Variants in NAGA observed in about 807,000 individuals in gnomAD.
NAGA encodes Acetylgalactosaminidase, alpha-N- (alpha-galactosidase B).
A neutral mutation model predicts 45.6 loss-of-function variants in NAGA; 42 were observed. The observed-to-expected ratio is 0.92, with a 90% confidence interval of 0.72 to 1.19. The LOEUF is 1.19. Among genes scored for constraint, NAGA ranks in the 50% most tolerant of loss-of-function variants. The pLI, the probability that NAGA is intolerant of heterozygous loss-of-function variation, is 0.00. For synonymous variants in NAGA, 176 were observed against 203.1 expected (o/e 0.87, Z 1.13); for missense variants, 493 against 544.8 (o/e 0.90, Z 0.95).
At chr22:42,063,139 G>T in intron 6 of NAGA, 115 bp from the exon 7 acceptor site, 1 of 1,062,830 alleles carries the variant, frequency 9.4e-7, no homozygotes, top group Non-Finnish European at 1.4e-6. Context: ...AAAGATGGCT[G>T]TATGTGGAGG....
In NAGA at chr22:42,070,477, C is replaced by G; in HGVS notation, c.-180G>C. The G allele has an allele frequency of 1.4e-6, 1 of 702,876 alleles. No individual in the cohort carries two copies. Among genetic ancestry groups the G allele is most frequent in the Non-Finnish European group, 2.6e-6 (1 of 385,498 alleles). 43.5% of individuals were successfully genotyped at this position (702,876 alleles called of 1,614,324 possible). A position where few individuals can be genotyped will look rare whatever the true frequency, so the allele number is the denominator to read the frequency against. ...CACTCGGTCCCCAAGTTGCCCGCCC[C>G]ATCCCCAGCCATCACTTCCCGGAGC... On this transcript the variant is annotated 5_prime_UTR_variant, in exon 1 of 9. It removes an upstream start codon present in the reference 5' UTR. Transcript: ENST00000396398.
At chr22:42,063,914 C>T (rs185413787) in intron 6 of NAGA, among the ~76,000 whole-genome samples, 1 of 152,274 alleles carries the variant, frequency 6.6e-6, no homozygotes, top group African/African-American at 2.4e-5. Flanking sequence ...ATTACCCAGG[C>T]GTGGTGGTAA....
intron 7 of NAGA, among the ~76,000 whole-genome samples, chr22:42,062,483 C>T (rs1163642951): frequency 6.6e-6 from 1 of 152,186 alleles, no homozygotes; most frequent in Non-Finnish European, 1.5e-5. Flanking sequence ...AACAGACCAG[C>T]TCCTCCTGCT....
At chr22:42,062,339 G>A (rs910613265) in intron 7 of NAGA, among the ~76,000 whole-genome samples, 19 of 152,058 alleles carry the variant, frequency 1.2e-4, no homozygotes, top group Non-Finnish European at 2.5e-4. Context: ...GGTGGCAGGC[G>A]CCTGTAGTGC....
chr22:42,068,380 G>A (rs1298062814), intron 2 of NAGA, 59 bp downstream of exon 2: 1 of 1,613,212 alleles, frequency 6.2e-7, no homozygotes, highest in East Asian at 2.2e-5. Context: ...TCCACTTCCT[G>A]CCCCCGAATC....
At position 42,060,382 on chromosome 22, in the gene NAGA, CTGA is replaced by C; in HGVS notation, c.1130_1132del (p.Ile377del). 6.2e-7 allele frequency: 1 copy of C among 1,613,594 alleles called. No individual in the cohort carries two copies. The highest frequency in any genetic ancestry group is 1.3e-5 in the African/African-American group (1 of 74,988). On this transcript the variant is annotated inframe_deletion, in exon 9 of 9. Transcript: ENST00000396398. ...GAAGTTGGTTTCATCTCGGAGGCCA[CTGA>C]TGATGTCACCTGAGTAGACGTCCTG...
chr22:42,060,521 C>T (rs994002065), intron 8 of NAGA, 108 bp from the exon 9 acceptor site: 1 of 1,498,654 alleles, frequency 6.7e-7, no homozygotes, highest in African/African-American at 1.4e-5. Flanking sequence ...CCTGTCTGTG[C>T]TGGGCTTCCA....
chr22:42,070,205 A>G (rs1424571343), intron 1 of NAGA, 77 bp downstream of exon 1: 1 of 1,521,838 alleles, frequency 6.6e-7, no homozygotes. Context: ...ACATACCCAC[A>G]TTAGGGAAGA....
At chr22:42,060,540 T>C (rs1429677135) in intron 8 of NAGA, 127 bp from the exon 9 acceptor site, 1 of 1,337,516 alleles carries the variant, frequency 7.5e-7, no homozygotes, top group Non-Finnish European at 1.1e-6. Context: ...CAGTATGCCC[T>C]ACAGAAGTGG....
At chr22:42,066,569 G>A (rs535258752) in intron 5 of NAGA, 141 bp downstream of exon 5, 8 of 782,002 alleles carry the variant, frequency 1.0e-5, no homozygotes, top group South Asian at 1.7e-5. Context: ...TAGGTCTCTA[G>A]ACACCTACAA....
chr22:42,060,163 G>T lies in NAGA; in HGVS notation c.*116C>A. The T allele has an allele frequency of 7.4e-7, 1 of 1,360,264 alleles. No homozygotes were observed. The allele number at this position is 1,360,264 out of a possible 1,614,324, so 84.3% of individuals were successfully genotyped here. Reference sequence around the variant, plus strand: ...GAGATTGCACTTTGGGTATGATGGGGTCAGTCACCGAGCAGGCCTGGGGAG... The same window carrying T: ...GAGATTGCACTTTGGGTATGATGGGTTCAGTCACCGAGCAGGCCTGGGGAG... On this transcript the variant is annotated 3_prime_UTR_variant, in exon 9 of 9. Transcript: ENST00000396398.
At chr22:42,066,083 G>A (rs886143739) in intron 5 of NAGA, among the ~76,000 whole-genome samples, 184 bp from the exon 6 acceptor site, 5 of 152,114 alleles carry the variant, frequency 3.3e-5, no homozygotes, top group South Asian at 2.1e-4. Flanking sequence ...TGGGGCTACC[G>A]GGGTCTCCCT....
At chr22:42,062,665 A>T (rs1926475149) in intron 7 of NAGA, among the ~76,000 whole-genome samples, 162 bp downstream of exon 7, 1 of 152,146 alleles carries the variant, frequency 6.6e-6, no homozygotes. Flanking sequence ...AGCAGCTCCC[A>T]TCAGAGTCCT....
intron 5 of NAGA, among the ~76,000 whole-genome samples, chr22:42,066,350 G>T (rs1926729785): frequency 6.6e-6 from 1 of 152,166 alleles, no homozygotes; most frequent in South Asian, 2.1e-4. Context: ...CCACCTGCCT[G>T]GCCTCCCCAG....
rs1230654716 is a variant in NAGA at position 42,065,845 on chromosome 22, T to C, written c.652A>G (p.Ile218Val). 6.2e-7 allele frequency: 1 copy of C among 1,614,164 alleles called. No individual in the cohort carries two copies. Among genetic ancestry groups the C allele is most frequent in the Admixed American group, 1.7e-5 (1 of 60,030 alleles). ...ICNLWRNYDDIQDSWWSVLSI... is the reference protein window; with the variant it reads ...ICNLWRNYDDVQDSWWSVLSI... ...AGCACGCTCCACCAGGAGTCCTGGA[T>C]GTCATCATAGTTACGCCAGAGGTTG... The change falls in exon 6 of 9, where the codon ATC (isoleucine) becomes GTC (valine). Residue 218 changes from isoleucine to valine, a missense_variant. Ile to Val is a conservative substitution (Grantham distance 29). Coordinates refer to ENST00000396398, the MANE Select transcript of NAGA (RefSeq NM_000262.3).
chr22:42,068,487 C>T lies in NAGA; in HGVS notation c.104G>A (p.Arg35His), dbSNP rs1926874320. 3 of 1,614,166 alleles carry T rather than the reference C, an allele frequency of 1.9e-6. No individual in the cohort carries two copies. The highest frequency in any genetic ancestry group is 2.2e-5 in the South Asian group (2 of 91,082). The part of the protein sequence containing the change: ...TPPMGWLAWE[R>H]FRCNINCDED... ...ATCACAGTTAATGTTGCAGCGGAAG[C>T]GTTCCCAGGCCAGCCAGCCCATGGG... Residue 35 changes from arginine to histidine, a missense_variant, in exon 2 of 9, where the codon CGC becomes CAC. Arg to His is a conservative substitution (Grantham distance 29). Transcript: ENST00000396398.
At chr22:42,067,567 A>G (rs1015100510) in intron 3 of NAGA, among the ~76,000 whole-genome samples, 198 bp downstream of exon 3, 2 of 152,150 alleles carry the variant, frequency 1.3e-5, no homozygotes, top group African/African-American at 2.4e-5. Flanking sequence ...TCCTCCAGGG[A>G]ACCTTCCTAG....
In NAGA at chr22:42,070,631, C is replaced by T. The variant is rs1926996963; in HGVS notation, c.-334G>A. 1 of 483,678 alleles carries T rather than the reference C, an allele frequency of 2.1e-6. No individual in the cohort carries two copies. The highest frequency in any genetic ancestry group is 2.1e-5 in the South Asian group (1 of 47,664). The allele number at this position is 483,678 out of a possible 1,614,324, so 30.0% of individuals were successfully genotyped here. A position where few individuals can be genotyped will look rare whatever the true frequency, so the allele number is the denominator to read the frequency against. On this transcript the variant is annotated 5_prime_UTR_variant, in exon 1 of 9. Coordinates refer to ENST00000396398, the MANE Select transcript of NAGA (RefSeq NM_000262.3). ...CCGCCCGGGCTCAGAAAAAGGCAGCCACTGGCTTAAGGTCACCAAGAAAGA... is the reference window on the plus strand; with the variant it reads ...CCGCCCGGGCTCAGAAAAAGGCAGCTACTGGCTTAAGGTCACCAAGAAAGA...
At chr22:42,063,483 T>TA (rs905987656) in intron 6 of NAGA, among the ~76,000 whole-genome samples, 92 of 148,886 alleles carry the variant, frequency 6.2e-4, no homozygotes, top group African/African-American at 7.4e-4. Context: ...CCCTAGGAGT[T>TA]AAAAAAAAAA....
Sources: gnomAD v4.1 joint callset for allele counts (sites outside exome capture counted in the v4.1 genomes callset) on GRCh38, gnomAD v4.1.1 for gene constraint, MANE v1.5 for transcripts, NCBI Gene and HGNC (gene_info 2026-07-23, HGNC 2026-07-21) for gene names.